ANK3: variants seen among roughly 807,000 people sequenced by gnomAD.
ANK3 encodes ankyrin 3, also known as ankyrin-3.
A neutral mutation model predicts 370.9 loss-of-function variants in ANK3; 57 were observed. That is an observed-to-expected ratio of 0.15 (90% CI 0.12 to 0.19). ANK3 has a LOEUF of 0.19. ANK3 is among the 10% of genes least tolerant of loss of function. The pLI, the probability that ANK3 is intolerant of heterozygous loss-of-function variation, is 1.00. For synonymous variants in ANK3, 1,929 were observed against 1,946.3 expected, an observed-to-expected ratio of 0.99 and a Z score of 0.23; for missense variants, 4,439 against 5,302.1, an observed-to-expected ratio of 0.84 and a Z score of 5.06.
chr10:60,465,304 A>G (rs997413299), intron 2 of ANK3, among the ~76,000 whole-genome samples: 1 of 152,232 alleles, frequency 6.6e-6, no homozygotes, highest in African/African-American at 2.4e-5. Context: ...AAGAGAGAGA[A>G]GTTCTTCATT....
intron 28 of ANK3, among the ~76,000 whole-genome samples, chr10:60,104,133 G>A (rs1227174055): frequency 6.6e-6 from 1 of 151,898 alleles, no homozygotes; most frequent in East Asian, 1.9e-4. Context: ...TAGGTACTAG[G>A]CTTTGAACCT....
Position 60,082,157 on chromosome 10 carries a change from T to C in ANK3, c.4343A>G (p.Asp1448Gly). 1.2e-6 allele frequency: 2 copies of C among 1,610,730 alleles called. No homozygotes were observed. Among genetic ancestry groups the C allele is most frequent in the Non-Finnish European group, 1.7e-6 (2 of 1,178,170 alleles). The part of the protein sequence containing the change: ...AHKKETESDQ[D>G]DEIEKTDRRQ... Reference sequence around the variant, plus strand: ...CAGAAGTGTTTATATTACCTCATCATCTTGATCTGACTCTGTCTCCTTTTG... The same window carrying C: ...CAGAAGTGTTTATATTACCTCATCACCTTGATCTGACTCTGTCTCCTTTTG... The change falls in exon 35 of 44, where the codon GAT becomes GGT. Residue 1448 changes from aspartate (D) to glycine (G), a missense_variant. By Grantham distance (94) the Asp-to-Gly change is moderately conservative (BLOSUM62 -1). Coordinates refer to ENST00000280772, the MANE Select transcript of ANK3 (RefSeq NM_020987.5).
chr10:60,120,619 G>C (rs2093410515), intron 25 of ANK3, among the ~76,000 whole-genome samples: 1 of 129,772 alleles, frequency 7.7e-6, no homozygotes, highest in South Asian at 2.3e-4. Flanking sequence ...AACTCTCTAA[G>C]GAAAAAAAAA....
chr10:60,624,423 T>A (rs1040193848), intron 1 of ANK3, among the ~76,000 whole-genome samples: 1 of 152,138 alleles, frequency 6.6e-6, no homozygotes, highest in African/African-American at 2.4e-5. Context: ...TCCACACAAC[T>A]ACACTGGGAA....
chr10:60,419,050 A>G (rs1254826513), intron 2 of ANK3, among the ~76,000 whole-genome samples: 2 of 152,140 alleles, frequency 1.3e-5, no homozygotes, highest in Non-Finnish European at 2.9e-5. Context: ...GAAATTCTCA[A>G]TTTGATTGTC....
At chr10:60,442,068 A>G (rs1375535876) in intron 2 of ANK3, among the ~76,000 whole-genome samples, 1 of 151,516 alleles carries the variant, frequency 6.6e-6, no homozygotes, top group Non-Finnish European at 1.5e-5. Context: ...TATCATTTGC[A>G]TATAATCTAT....
chr10:60,083,763 C>T (rs41274684), intron 32 of ANK3, 146 bp from the exon 33 acceptor site: 61,505 of 650,790 alleles, frequency 0.095, 3,633 homozygotes, highest in African/African-American at 0.18. Flanking sequence ...CTATTTGCAA[C>T]AAAAATAATG....
intron 2 of ANK3, among the ~76,000 whole-genome samples, chr10:60,511,970 G>A (rs947115600): frequency 6.6e-6 from 1 of 152,084 alleles, no homozygotes; most frequent in Non-Finnish European, 1.5e-5. Context: ...AAATTATCTA[G>A]GTTTTGGAAA....
intron 1 of ANK3, among the ~76,000 whole-genome samples, chr10:60,344,364 G>A (rs1234232485): frequency 2.0e-5 from 3 of 152,116 alleles, no homozygotes; most frequent in Admixed American, 2.0e-4. Context: ...GTAGAAAACT[G>A]AAGAATAAAA....
chr10:60,202,270 C>A (rs984402247), intron 12 of ANK3, among the ~76,000 whole-genome samples: 1 of 151,672 alleles, frequency 6.6e-6, no homozygotes, highest in Non-Finnish European at 1.5e-5. Flanking sequence ...TACAGGCATG[C>A]GCCACCATGC....
chr10:60,591,827 A>G (rs2077919150), intron 2 of ANK3, among the ~76,000 whole-genome samples: 1 of 152,192 alleles, frequency 6.6e-6, no homozygotes, highest in South Asian at 2.1e-4. Flanking sequence ...CAGGCACAGA[A>G]AGACAAATAT....
chr10:60,524,327 G>A (rs1025988640), intron 2 of ANK3, among the ~76,000 whole-genome samples: 1 of 152,090 alleles, frequency 6.6e-6, no homozygotes, highest in African/African-American at 2.4e-5. Context: ...ATCCACAGAA[G>A]AGTATAGACC....
At chr10:60,179,314 G>C (rs1315009470) in intron 18 of ANK3, among the ~76,000 whole-genome samples, 1 of 152,256 alleles carries the variant, frequency 6.6e-6, no homozygotes, top group Non-Finnish European at 1.5e-5. Flanking sequence ...GTAAAGGACA[G>C]AGAGATGCTT....
rs776975258 is a variant in ANK3 at position 60,279,042 on chromosome 10, A to T, written c.315+8T>A. 6.2e-7 allele frequency: 1 copy of T among 1,613,452 alleles called. No homozygotes were observed. The highest frequency in any genetic ancestry group is 1.7e-5 in the Admixed American group (1 of 59,980). On this transcript the variant is annotated splice_region_variant and intron_variant, in intron 3 of 43. Coordinates refer to ENST00000280772, the MANE Select transcript of ANK3 (RefSeq NM_020987.5). The stretch of plus-strand genomic sequence containing the variant: ...TGGTTCAAAAAGCATTAAATATGTG[A>T]TACTGACCTTTGTAGCTGCATCCAC...
intron 11 of ANK3, 82 bp downstream of exon 11, chr10:60,205,710 C>T: frequency 1.0e-6 from 1 of 998,242 alleles, no homozygotes. Flanking sequence ...CTAGCTGGTC[C>T]CTGGAGATGG....
chr10:60,696,635 G>T (rs1337729846), intron 1 of ANK3, among the ~76,000 whole-genome samples: 1 of 148,032 alleles, frequency 6.8e-6, no homozygotes, highest in East Asian at 1.9e-4. Context: ...CATATAAACA[G>T]AACCAAAGAC....
chr10:60,226,567 AG>A (rs1263011299), intron 8 of ANK3, among the ~76,000 whole-genome samples: 1 of 26,976 alleles, frequency 3.7e-5, no homozygotes, highest in Admixed American at 5.2e-4. Context: ...ATATATACAT[AG>A]TATATGTATA....
chr10:60,407,611 T>G lies in ANK3; in HGVS notation c.97-127972A>C, dbSNP rs1169795182. Among the ~76,000 whole-genome samples, 6 of 152,170 alleles carry G rather than the reference T, an allele frequency of 3.9e-5. No homozygotes were observed. In the East Asian group the frequency reaches 9.6e-4, roughly 24 times the overall value. On this transcript the variant is annotated intron_variant, in intron 2 of 43. Coordinates refer to the ANK3 transcript ENST00000373827. ...ATTCATTCATTTATACATTCATCAA[T>G]GTGTACGGAAAAGCTGCTACATGCC...
Position 60,695,938 on chromosome 10 carries a change from C to T in ANK3, c.57+37325G>A, listed in dbSNP as rs1377834980. 2.0e-5 allele frequency among the ~76,000 whole-genome samples: 3 copies of T among 150,670 alleles called. No homozygotes were observed. The East Asian group carries it at 5.8e-4, about 29-fold the overall frequency. ...GAAGGAAATAGAGACACAAAAAACC[C>T]TTCAAAAAATTAATGAATCCAGGAG... On this transcript the variant is annotated intron_variant, in intron 1 of 43. Transcript: ENST00000373827.
Sources: gnomAD v4.1 joint callset for allele counts (sites outside exome capture counted in the v4.1 genomes callset) on GRCh38, gnomAD v4.1.1 for gene constraint, MANE v1.5 for transcripts, NCBI Gene and HGNC (gene_info 2026-07-23, HGNC 2026-07-21) for gene names.